The following WDR7 variants were observed in gnomAD, a reference collection of about 807,000 sequenced individuals.
The protein encoded by WDR7 is WD repeat-containing protein 7.
In WDR7, 46 loss-of-function variants were observed where a neutral mutation model predicts 169.4. The ratio of observed to expected loss-of-function variants is 0.27; its 90% CI spans 0.21 to 0.35. The LOEUF is 0.35. Among genes scored for constraint, WDR7 ranks in the 10% least tolerant of loss-of-function variants. The pLI is 1.00. For synonymous variants in WDR7, 612 were observed against 666.8 expected (o/e 0.92, Z 1.27); for missense variants, 1,534 against 1,859.3 (o/e 0.83, Z 3.22).
intron 20 of WDR7, among the ~76,000 whole-genome samples, chr18:56,855,240 T>TC (rs1054785852): frequency 6.6e-5 from 10 of 151,938 alleles, no homozygotes; most frequent in Admixed American, 6.6e-4. Context: ...GCCTGTTTTT[T>TC]TTTCCCCCCA....
chr18:56,685,364 T>G (rs2025423385), intron 5 of WDR7, among the ~76,000 whole-genome samples: 1 of 152,212 alleles, frequency 6.6e-6, no homozygotes, highest in African/African-American at 2.4e-5. Flanking sequence ...GATTTTGCTT[T>G]TAACATTCCC....
At chr18:56,839,159 C>T (rs983236476) in intron 20 of WDR7, among the ~76,000 whole-genome samples, 1 of 151,980 alleles carries the variant, frequency 6.6e-6, no homozygotes, top group African/African-American at 2.4e-5. Flanking sequence ...AATAGTTGTA[C>T]ATATTTTTAG....
intron 19 of WDR7, among the ~76,000 whole-genome samples, chr18:56,808,463 T>C (rs984782940): frequency 5.3e-5 from 8 of 152,168 alleles, no homozygotes; most frequent in Non-Finnish European, 1.2e-4. Flanking sequence ...TTGTTAATAT[T>C]TATAAATATC....
chr18:57,007,299 T>G (rs2048075476), intron 26 of WDR7, among the ~76,000 whole-genome samples: 1 of 152,122 alleles, frequency 6.6e-6, no homozygotes, highest in Non-Finnish European at 1.5e-5. Flanking sequence ...TAATAGTATA[T>G]TTTTTCTTTT....
intron 20 of WDR7, among the ~76,000 whole-genome samples, chr18:56,829,161 C>T (rs1439160386): frequency 6.6e-6 from 1 of 150,642 alleles, no homozygotes; most frequent in African/African-American, 2.4e-5. Flanking sequence ...TGGTGGTGTG[C>T]ACCTGTAGTC....
intron 25 of WDR7, among the ~76,000 whole-genome samples, chr18:56,951,359 A>G (rs770884390): frequency 2.0e-5 from 3 of 152,142 alleles, no homozygotes; most frequent in Non-Finnish European, 4.4e-5. Flanking sequence ...CCTAGAACAG[A>G]GAGCCAGGGC....
chr18:56,867,920 G>A (rs1250035056), intron 20 of WDR7, among the ~76,000 whole-genome samples: 2 of 152,104 alleles, frequency 1.3e-5, no homozygotes, highest in Non-Finnish European at 2.9e-5. Flanking sequence ...GTAGTTACAG[G>A]AAAGAGAATA....
At chr18:56,909,624 T>C (rs2046526555) in intron 21 of WDR7, among the ~76,000 whole-genome samples, 1 of 152,128 alleles carries the variant, frequency 6.6e-6, no homozygotes, top group Non-Finnish European at 1.5e-5. Context: ...ACATAAGAAG[T>C]GAATACCGTA....
intron 21 of WDR7, among the ~76,000 whole-genome samples, chr18:56,919,209 C>T (rs1443013755): frequency 6.6e-6 from 1 of 152,122 alleles, no homozygotes; most frequent in Non-Finnish European, 1.5e-5. Flanking sequence ...CCCATCCTCC[C>T]TGGAAAATAG....
At chr18:56,972,101 A>G (rs2047497011) in intron 26 of WDR7, among the ~76,000 whole-genome samples, 1 of 152,242 alleles carries the variant, frequency 6.6e-6, no homozygotes, top group South Asian at 2.1e-4. Flanking sequence ...TGTGATTTAA[A>G]GCATTTAATG....
intron 25 of WDR7, among the ~76,000 whole-genome samples, chr18:56,939,651 T>C (rs948800872): frequency 6.6e-6 from 1 of 152,128 alleles, no homozygotes; most frequent in African/African-American, 2.4e-5. Flanking sequence ...TCATTGAATA[T>C]GTCTGTATTC....
intron 1 of WDR7, among the ~76,000 whole-genome samples, chr18:56,655,327 A>G (rs1410674324): frequency 6.6e-6 from 1 of 152,174 alleles, no homozygotes; most frequent in Non-Finnish European, 1.5e-5. Flanking sequence ...TACCTCTGCA[A>G]TCAAGATACA....
chr18:56,656,115 C>G (rs919101810), intron 1 of WDR7, among the ~76,000 whole-genome samples: 11 of 151,794 alleles, frequency 7.2e-5, no homozygotes, highest in African/African-American at 2.2e-4. Context: ...GGATAAATGC[C>G]CAGGGACATG....
At chr18:56,672,235 T>C (rs982455980) in intron 1 of WDR7, among the ~76,000 whole-genome samples, 2 of 152,170 alleles carry the variant, frequency 1.3e-5, no homozygotes, top group Admixed American at 1.3e-4. Flanking sequence ...TGTGAATGCC[T>C]GGGGTAAAGA....
At chr18:56,755,723 A>T (rs2043875492) in intron 14 of WDR7, among the ~76,000 whole-genome samples, 1 of 152,224 alleles carries the variant, frequency 6.6e-6, no homozygotes, top group South Asian at 2.1e-4. Flanking sequence ...GATAGTTCCC[A>T]TGTAGGGGGA....
At chr18:56,670,442 T>TCACCA (rs2025108925) in intron 1 of WDR7, among the ~76,000 whole-genome samples, 1 of 152,208 alleles carries the variant, frequency 6.6e-6, no homozygotes, top group Non-Finnish European at 1.5e-5. Flanking sequence ...TTTCCAGGTC[T>TCACCA]CACCACGTTG....
intron 13 of WDR7, among the ~76,000 whole-genome samples, chr18:56,722,922 A>T (rs1719240743): frequency 2.6e-5 from 4 of 151,870 alleles, no homozygotes. Flanking sequence ...TTCATCCTTT[A>T]CTCTGCCGGG....
At chr18:57,026,109 A>G (rs1170770929) in intron 27 of WDR7, among the ~76,000 whole-genome samples, 1 of 152,254 alleles carries the variant, frequency 6.6e-6, no homozygotes, top group African/African-American at 2.4e-5. Flanking sequence ...AGTAATATTT[A>G]GAATCTAAAG....
At chr18:56,878,714 G>T (rs1464188550) in intron 20 of WDR7, among the ~76,000 whole-genome samples, 1 of 152,058 alleles carries the variant, frequency 6.6e-6, no homozygotes, top group African/African-American at 2.4e-5. Context: ...ATTAGCTATT[G>T]TTAACCATTT....
Sources: allele counts gnomAD v4.1 joint callset (sites outside exome capture counted in the v4.1 genomes callset), GRCh38; gene constraint gnomAD v4.1.1; transcripts MANE v1.5; gene names NCBI Gene and HGNC (gene_info 2026-07-23, HGNC 2026-07-21).